KCNN3: variants seen among roughly 807,000 people sequenced by gnomAD.
KCNN3 encodes the protein potassium calcium-activated channel subfamily N member 3.
A neutral mutation model predicts 62.9 loss-of-function variants in KCNN3; 16 were observed. That is an observed-to-expected ratio of 0.25 (90% CI 0.17 to 0.39). The LOEUF (loss-of-function observed/expected upper bound fraction) is 0.39, where lower values mean the gene tolerates loss of function less well. Among genes scored for constraint, KCNN3 ranks in the 10% least tolerant of loss-of-function variants. KCNN3 has a pLI of 1.00. For synonymous variants in KCNN3, 370 were observed against 389.2 expected, an observed-to-expected ratio of 0.95 and a Z score of 0.58; for missense variants, 599 against 949.4, an observed-to-expected ratio of 0.63 and a Z score of 4.85.
chr1:154,867,933 A>G, intron 1 of KCNN3: 1 of 984,994 alleles, frequency 1.0e-6, no homozygotes, highest in Non-Finnish European at 1.2e-6. Context: ...CAAGCAGAGC[A>G]TCGGCAGAAA....
At chr1:154,802,269 A>G (rs937288236) in intron 2 of KCNN3, among the ~76,000 whole-genome samples, 3 of 152,240 alleles carry the variant, frequency 2.0e-5, no homozygotes, top group African/African-American at 7.2e-5. Context: ...TGGCTAGAGA[A>G]AGACAAATGG....
chr1:154,724,326 T>C (rs1700417835), intron 5 of KCNN3, among the ~76,000 whole-genome samples: 1 of 152,236 alleles, frequency 6.6e-6, no homozygotes, highest in Admixed American at 6.5e-5. Flanking sequence ...AACACATTTT[T>C]GCTGCTGTGC....
intron 3 of KCNN3, among the ~76,000 whole-genome samples, chr1:154,741,397 T>C (rs757191310): frequency 2.6e-5 from 4 of 152,258 alleles, no homozygotes; most frequent in Non-Finnish European, 4.4e-5. Flanking sequence ...CTCACTAAAA[T>C]ACTTGTGGAC....
At chr1:154,829,838 C>A (rs943787630) in intron 1 of KCNN3, among the ~76,000 whole-genome samples, 1 of 152,180 alleles carries the variant, frequency 6.6e-6, no homozygotes, top group Non-Finnish European at 1.5e-5. Flanking sequence ...GGGCCCCACA[C>A]CCTTCCCGAG....
intron 3 of KCNN3, among the ~76,000 whole-genome samples, chr1:154,762,911 C>T (rs9651028): frequency 0.74 from 112,119 of 152,078 alleles, 41,622 homozygotes; most frequent in Admixed American, 0.84. Flanking sequence ...AATAATCTAT[C>T]GCTTCCCAGT....
At chr1:154,853,690 TC>T (rs1253265897) in intron 1 of KCNN3, among the ~76,000 whole-genome samples, 3 of 152,174 alleles carry the variant, frequency 2.0e-5, no homozygotes, top group African/African-American at 4.8e-5. Context: ...ATGCCTGTAA[TC>T]CCAGCACTTT....
intron 1 of KCNN3, among the ~76,000 whole-genome samples, chr1:154,837,683 C>T (rs1330398661): frequency 6.6e-6 from 1 of 152,244 alleles, no homozygotes; most frequent in East Asian, 1.9e-4. Context: ...GGCTCCCAGG[C>T]ATCCACTGCC....
At position 154,715,150 on chromosome 1, in the gene KCNN3, G is replaced by T. The variant is rs532420215; in HGVS notation, c.1702-147C>A. On this transcript the variant is annotated intron_variant, in intron 5 of 7. Coordinates refer to ENST00000271915, the MANE Select transcript of KCNN3 (RefSeq NM_002249.6). ...AAATCACGGAACTCCTAGAAAAGAT[G>T]ATTAAGGCCGGGCACGGTGGCTCCC... 1,093 of 1,037,254 alleles carry T rather than the reference G, an allele frequency of 1.1e-3. 15 individuals carry two copies. Among genetic ancestry groups the T allele is most frequent in the South Asian group, 9.2e-3 (690 of 75,090 alleles). 64.3% of individuals were successfully genotyped at this position (1,037,254 alleles called of 1,614,324 possible). A position where few individuals can be genotyped will look rare whatever the true frequency, so the allele number is the denominator to read the frequency against.
intron 3 of KCNN3, among the ~76,000 whole-genome samples, chr1:154,740,554 A>T (rs1349698755): frequency 6.6e-6 from 1 of 152,232 alleles, no homozygotes; most frequent in Admixed American, 6.5e-5. Context: ...ATTTCACTTC[A>T]TTAGGAAATG....
At chr1:154,858,808 C>T (rs1392427694) in intron 1 of KCNN3, among the ~76,000 whole-genome samples, 5 of 151,730 alleles carry the variant, frequency 3.3e-5, no homozygotes, top group African/African-American at 4.8e-5. Flanking sequence ...TGGACTCAAC[C>T]GATCCTCCCG....
At chr1:154,814,022 G>A (rs550727292) in intron 2 of KCNN3, among the ~76,000 whole-genome samples, 11 of 152,246 alleles carry the variant, frequency 7.2e-5, no homozygotes, top group African/African-American at 1.2e-4. Context: ...CATGGCCAGC[G>A]GCCGATCCAA....
At chr1:154,807,452 G>A (rs1650222917) in intron 2 of KCNN3, among the ~76,000 whole-genome samples, 1 of 152,188 alleles carries the variant, frequency 6.6e-6, no homozygotes, top group East Asian at 1.9e-4. Context: ...GGCTTTGGGT[G>A]ATGTCACTGC....
chr1:154,783,902 GCTAACCTAGA>G (rs1401970416), intron 2 of KCNN3, among the ~76,000 whole-genome samples: 1 of 152,200 alleles, frequency 6.6e-6, no homozygotes, highest in Non-Finnish European at 1.5e-5. Context: ...GGAAATGTCA[GCTAACCTAGA>G]GGCCTTGGTC....
At chr1:154,724,035 G>A (rs1700410994) in intron 5 of KCNN3, among the ~76,000 whole-genome samples, 1 of 152,146 alleles carries the variant, frequency 6.6e-6, no homozygotes, top group South Asian at 2.1e-4. Context: ...TGATAGCTCA[G>A]GGCCATGATG....
At position 154,869,723 on chromosome 1, in the gene KCNN3, GGCTGCTGCTGCTGCT is replaced by G. The variant is rs3831942; in HGVS notation, c.227_241del (p.Gln76_Gln80del). ...GGCGAGCTGAGACAGGGGATGCGGT[GGCTGCTGCTGCTGCT>G]GCTGCTGCTGCTGCTGCTGCTGCTG... On this transcript the variant is annotated inframe_deletion, in exon 1 of 8. Coordinates refer to ENST00000271915, the MANE Select transcript of KCNN3 (RefSeq NM_002249.6). The surrounding 1 kb of genome is among the most constrained non-coding windows in gnomAD (Gnocchi z 6.1). 444 of 1,506,508 alleles carry G rather than the reference GGCTGCTGCTGCTGCT, an allele frequency of 2.9e-4. 1 individual carries two copies. The highest frequency in any genetic ancestry group is 6.5e-4 in the African/African-American group (45 of 68,948). The allele number at this position is 1,506,508 out of a possible 1,614,324, so 93.3% of individuals were successfully genotyped here.
At chr1:154,710,568 A>G (rs1408654341) in intron 7 of KCNN3, among the ~76,000 whole-genome samples, 1 of 152,054 alleles carries the variant, frequency 6.6e-6, no homozygotes, top group African/African-American at 2.4e-5. Flanking sequence ...TTTCCAGTTC[A>G]CTGAGGGGTT....
chr1:154,863,278 A>C (rs1489386413), intron 1 of KCNN3, among the ~76,000 whole-genome samples: 1 of 152,040 alleles, frequency 6.6e-6, no homozygotes, highest in Non-Finnish European at 1.5e-5. Context: ...GACTTTCCTC[A>C]CCCGAAGAAA....
chr1:154,775,126 TC>T, intron 2 of KCNN3, among the ~76,000 whole-genome samples: 1 of 152,182 alleles, frequency 6.6e-6, no homozygotes, highest in East Asian at 1.9e-4. Context: ...TCCTTGATGG[TC>T]TGGGCCAAAG....
chr1:154,743,178 C>G (rs557018301), intron 3 of KCNN3, among the ~76,000 whole-genome samples: 1 of 151,888 alleles, frequency 6.6e-6, no homozygotes, highest in East Asian at 1.9e-4. Context: ...CTGGACCAGC[C>G]CCACTCTCTT....
Sources: allele counts gnomAD v4.1 joint callset (sites outside exome capture counted in the v4.1 genomes callset), GRCh38; gene constraint gnomAD v4.1.1; non-coding constraint Gnocchi (gnomAD v3.1); transcripts MANE v1.5; gene names NCBI Gene and HGNC (gene_info 2026-07-23, HGNC 2026-07-21).